The following DBR1 variants were observed in gnomAD, a reference collection of about 807,000 sequenced individuals.
DBR1 encodes lariat debranching enzyme.
A neutral mutation model predicts 45.9 loss-of-function variants in DBR1; 33 were observed. The ratio of observed to expected loss-of-function variants is 0.72; its 90% CI spans 0.55 to 0.96. DBR1 has a LOEUF of 0.96. Ranked by LOEUF, DBR1 falls within the 40% of genes least tolerant of loss-of-function variation. DBR1 has a pLI of 0.00. For synonymous variants in DBR1, 235 were observed against 235.9 expected (o/e 1.00, Z 0.04); for missense variants, 619 against 667.4 (o/e 0.93, Z 0.80).
intron 3 of DBR1, among the ~76,000 whole-genome samples, chr3:138,170,920 AAAG>A (rs2042950774): frequency 6.6e-6 from 1 of 152,264 alleles, no homozygotes; most frequent in Admixed American, 6.5e-5. Context: ...CATGTTAAAC[AAAG>A]AAGCAAGTTT....
In DBR1 at chr3:138,170,132, T is replaced by C. The variant is rs1559883916; in HGVS notation, c.464A>G (p.Asn155Ser). 6.3e-7 allele frequency: 1 copy of C among 1,597,514 alleles called. No individual in the cohort carries two copies. Among genetic ancestry groups the C allele is most frequent in the East Asian group, 2.2e-5 (1 of 44,726 alleles). ...CTGTTTTAATTTATAGACTTCAATA[T>C]TTCTCACATGATATATACTCCTGAT... ...STIRSIYHVR[N>S]IEVYKLKQLK... Residue 155 changes from asparagine (N) to serine (S), a missense_variant, in exon 4 of 8, where the codon AAT (asparagine) becomes AGT (serine). Physicochemically the swap from Asn to Ser is conservative, Grantham distance 46. Around this residue, in one of 3 missense-constraint regions of DBR1, gnomAD observed 430 missense variants for 447.7 expected, o/e 0.96. Coordinates refer to ENST00000260803, the MANE Select transcript of DBR1 (RefSeq NM_016216.4).
At chr3:138,163,668 C>T in intron 6 of DBR1, 110 bp downstream of exon 6, 1 of 802,338 alleles carries the variant, frequency 1.2e-6, no homozygotes, top group East Asian at 3.2e-5. Flanking sequence ...AAAGAATTCT[C>T]AGAATACATA....
chr3:138,166,079 G>A (rs954700986), intron 5 of DBR1, among the ~76,000 whole-genome samples: 3 of 152,164 alleles, frequency 2.0e-5, no homozygotes, highest in Non-Finnish European at 2.9e-5. Flanking sequence ...TCTGGGAAGC[G>A]TCACATTCTA....
rs763219087 is a variant in DBR1 at position 138,162,216 on chromosome 3, ATCT to A, written c.1305_1307del (p.Glu435del). ...TATGTGCACTTACAATACTATCTTC[ATCT>A]TCTTCTTCATCTAACATTATTTCAT... On this transcript the variant is annotated inframe_deletion, in exon 8 of 8. Coordinates refer to ENST00000260803, the MANE Select transcript of DBR1 (RefSeq NM_016216.4). 9.3e-6 allele frequency: 15 copies of A among 1,614,056 alleles called. No homozygotes were observed. In the African/African-American group the frequency reaches 9.3e-5, roughly 10 times the overall value.
At chr3:138,163,930 G>A in intron 5 of DBR1, 72 bp from the exon 6 acceptor site, 1 of 1,099,100 alleles carries the variant, frequency 9.1e-7, no homozygotes, top group Non-Finnish European at 1.4e-6. Flanking sequence ...ACACGGAATA[G>A]GATGAAAATA....
chr3:138,162,704 T>G (rs1559882140), intron 7 of DBR1, 122 bp from the exon 8 acceptor site: 1 of 888,006 alleles, frequency 1.1e-6, no homozygotes, highest in Non-Finnish European at 1.7e-6. Flanking sequence ...AATTCCATTT[T>G]TAAAGTTAGA....
At position 138,162,081 on chromosome 3, in the gene DBR1, A is replaced by G. The variant is rs763804021; in HGVS notation, c.1443T>C (p.Asp481=). 1.9e-6 allele frequency: 3 copies of G among 1,614,180 alleles called. No individual in the cohort carries two copies. The highest frequency in any genetic ancestry group is 2.5e-6 in the Non-Finnish European group (3 of 1,180,032). The change falls in exon 8 of 8, where the codon GAT becomes GAC. Residue 481 remains aspartate (D), a synonymous_variant. Transcript: ENST00000260803. ...CTCTATCAATTGTGGAATCCACCGT[A>G]TCATCAGAAGATACAATCATAGAGC... ...LPGSMIVSSD[D]TVDSTIDREG...
chr3:138,174,865 C>G lies in DBR1; in HGVS notation c.-70G>C, dbSNP rs991400159. On this transcript the variant is annotated 5_prime_UTR_variant, in exon 1 of 8. Coordinates refer to ENST00000260803, the MANE Select transcript of DBR1 (RefSeq NM_016216.4). ...CACAGCCAGCCCAGGACCGACTGAT[C>G]GCTCAGCTCCCGCCAACTTTAATAA... The G allele has an allele frequency of 4.7e-5, 69 of 1,466,506 alleles. No individual in the cohort carries two copies. The East Asian group carries it at 1.4e-3, about 30-fold the overall frequency. The allele number at this position is 1,466,506 out of a possible 1,614,324, so 90.8% of individuals were successfully genotyped here.
rs1460681518 is a variant in DBR1, at chr3:138,174,625, C to T, written c.171G>A (p.Lys57=). Residue 57 remains lysine (K), a synonymous_variant, in exon 1 of 8, where the codon AAG becomes AAA. Coordinates refer to ENST00000260803, the MANE Select transcript of DBR1 (RefSeq NM_016216.4). The part of the protein sequence containing the change: ...ADLRCMAVPP[K]YRHMQTFYRY... ...TGTAGAAGGTTTGCATGTGACGATA[C>T]TTGGGCGGCACGGCCATGCAGCGTA... 9 of 1,574,368 alleles carry T rather than the reference C, an allele frequency of 5.7e-6. No individual in the cohort carries two copies. Among genetic ancestry groups the T allele is most frequent in the Non-Finnish European group, 7.8e-6 (9 of 1,153,920 alleles).
intron 3 of DBR1, 152 bp downstream of exon 3, chr3:138,171,475 CAAAAAA>C (rs906867666): frequency 2.3e-3 from 149 of 66,122 alleles, no homozygotes; most frequent in South Asian, 2.6e-3. Flanking sequence ...AACTCTGTCT[CAAAAAA>C]AAAAAAAAAA....
chr3:138,164,350 A>C (rs181155985), intron 5 of DBR1: 1 of 152,496 alleles, frequency 6.6e-6, no homozygotes, highest in East Asian at 1.9e-4. Flanking sequence ...CAATATTTAT[A>C]CATGCTACAA....
chr3:138,167,200 C>T lies in DBR1; in HGVS notation c.595G>A (p.Glu199Lys). ...CTTCCTAATGTGTTATTTTCCACTT[C>T]TTGTCGGAAAAAAGATTTAGTCTTA... Reference protein sequence around the residue: ...LLKTKSFFRQEVENNTLGSPA... With the variant: ...LLKTKSFFRQKVENNTLGSPA... Residue 199 changes from glutamate to lysine, a missense_variant, in exon 5 of 8, where the codon GAA becomes AAA. Physicochemically the swap from Glu to Lys is moderately conservative, Grantham distance 56 (BLOSUM62 1). Coordinates refer to ENST00000260803, the MANE Select transcript of DBR1 (RefSeq NM_016216.4). 6.2e-7 allele frequency: 1 copy of T among 1,613,808 alleles called. No homozygotes were observed. Among genetic ancestry groups the T allele is most frequent in the African/African-American group, 1.3e-5 (1 of 75,020 alleles).
chr3:138,163,064 C>T (rs2042915056), intron 7 of DBR1, among the ~76,000 whole-genome samples: 1 of 152,110 alleles, frequency 6.6e-6, no homozygotes, highest in South Asian at 2.1e-4. Context: ...TCAAGACCAA[C>T]CTAGGCAACA....
In DBR1 at chr3:138,174,882, C is replaced by T. The variant is rs1173412830; in HGVS notation, c.-87G>A. 5 of 1,334,842 alleles carry T rather than the reference C, an allele frequency of 3.7e-6. No individual in the cohort carries two copies. The East Asian group carries it at 9.9e-5, about 26-fold the overall frequency. The allele number at this position is 1,334,842 out of a possible 1,614,324, so 82.7% of individuals were successfully genotyped here. A position where few individuals can be genotyped will look rare whatever the true frequency, so the allele number is the denominator to read the frequency against. ...CGACTGATCGCTCAGCTCCCGCCAA[C>T]TTTAATAAGTATAGCCACCGCCTGG... On this transcript the variant is annotated 5_prime_UTR_variant, in exon 1 of 8. Coordinates refer to ENST00000260803, the MANE Select transcript of DBR1 (RefSeq NM_016216.4).
In DBR1 at chr3:138,167,111, A is replaced by C. The variant is rs1395618768; in HGVS notation, c.684T>G (p.His228Gln). 5 of 1,614,090 alleles carry C rather than the reference A, an allele frequency of 3.1e-6. No homozygotes were observed. Among genetic ancestry groups the C allele is most frequent in the Non-Finnish European group, 4.2e-6 (5 of 1,180,042 alleles). Residue 228 changes from histidine (H) to glutamine (Q), a missense_variant, in exon 5 of 8, where the codon CAT (histidine) becomes CAG (glutamine). This residue lies in a region of DBR1 where 430 missense variants were observed against 447.7 expected (regional missense o/e 0.96). Transcript: ENST00000260803. ...KPTYWFSAHL[H>Q]VKFAALMQHQ... ...GCTGCATCAAGGCGGCAAACTTCACATGAAGGTGGGCAGAAAACCAATAAG... is the reference window on the plus strand; with the variant it reads ...GCTGCATCAAGGCGGCAAACTTCACCTGAAGGTGGGCAGAAAACCAATAAG...
intron 5 of DBR1, among the ~76,000 whole-genome samples, chr3:138,165,119 C>G (rs545554621): frequency 6.6e-6 from 1 of 152,244 alleles, no homozygotes; most frequent in Non-Finnish European, 1.5e-5. Context: ...AGCATGGCCT[C>G]TAAAAGGCAG....
At chr3:138,173,749 G>T in intron 1 of DBR1, 123 bp from the exon 2 acceptor site, 1 of 1,150,226 alleles carries the variant, frequency 8.7e-7, no homozygotes, top group Non-Finnish European at 1.2e-6. Context: ...AAAAGGAATT[G>T]CCTGGGGCTG....
At chr3:138,169,861 A>T (rs1221570499) in intron 4 of DBR1, among the ~76,000 whole-genome samples, 2 of 151,930 alleles carry the variant, frequency 1.3e-5, no homozygotes, top group Non-Finnish European at 2.9e-5. Context: ...TGAACCCAGG[A>T]GGCGGAGGTT....
In DBR1 at chr3:138,174,660, C is replaced by G; in HGVS notation, c.136G>C (p.Glu46Gln). Residue 46 changes from glutamate (E) to glutamine (Q), a missense_variant, in exon 1 of 8, where the codon GAG (glutamate) becomes CAG (glutamine). Physicochemically the swap from Glu to Gln is conservative, Grantham distance 29. Coordinates refer to ENST00000260803, the MANE Select transcript of DBR1 (RefSeq NM_016216.4). ...ACGGCCATGCAGCGTAGATCCGCCT[C>G]GTTGCGCACCGCCTGGAAGTCGCCG... ...CCGDFQAVRN[E>Q]ADLRCMAVPP... is the part of the protein sequence containing the mutation. 6.2e-7 allele frequency: 1 copy of G among 1,612,690 alleles called. No individual in the cohort carries two copies. Among genetic ancestry groups the G allele is most frequent in the Admixed American group, 1.7e-5 (1 of 59,846 alleles).
Sources: allele counts gnomAD v4.1 joint callset (sites outside exome capture counted in the v4.1 genomes callset), GRCh38; gene constraint gnomAD v4.1.1; regional missense constraint gnomAD v4.1.1; transcripts MANE v1.5; gene names NCBI Gene and HGNC (gene_info 2026-07-23, HGNC 2026-07-21).